RIMS4: variants seen among roughly 807,000 people sequenced by gnomAD.
The protein encoded by RIMS4 is regulating synaptic membrane exocytosis protein 4.
In RIMS4, 9 loss-of-function variants were observed where a neutral mutation model predicts 29.0. The ratio of observed to expected loss-of-function variants is 0.31; its 90% CI spans 0.19 to 0.54. The LOEUF (loss-of-function observed/expected upper bound fraction) is 0.54. Ranked by LOEUF, RIMS4 falls within the 20% of genes least tolerant of loss-of-function variation. The pLI is 0.94. For missense variants in RIMS4, 193 were observed against 365.7 expected (o/e 0.53, Z 3.85); for synonymous variants, 130 against 152.9 (o/e 0.85, Z 1.10).
chr20:44,760,914 A>G (rs566937325), intron 2 of RIMS4, among the ~76,000 whole-genome samples: 1 of 152,246 alleles, frequency 6.6e-6, no homozygotes, highest in Non-Finnish European at 1.5e-5. Context: ...GTAGAGAATT[A>G]ATGTGGGCAG....
At chr20:44,772,316 C>T (rs957477953) in intron 1 of RIMS4, among the ~76,000 whole-genome samples, 3 of 152,184 alleles carry the variant, frequency 2.0e-5, no homozygotes, top group African/African-American at 7.2e-5. Context: ...CACCCAAATG[C>T]GTTAAACAAT....
In RIMS4 at chr20:44,753,838, A is replaced by C. The variant is rs2066045973; in HGVS notation, c.*2296T>G. 6.6e-6 allele frequency: 1 copy of C among 152,556 alleles called. No individual in the cohort carries two copies. The highest frequency in any genetic ancestry group is 2.4e-5 in the African/African-American group (1 of 41,396). 9.5% of individuals were successfully genotyped at this position (152,556 alleles called of 1,614,324 possible). A position where few individuals can be genotyped will look rare whatever the true frequency, so the allele number is the denominator to read the frequency against. ...CGGGATTTCACAGAACAAACAAGAA[A>C]ATCATTGAGGGGGCCCTCACTGACC... On this transcript the variant is annotated 3_prime_UTR_variant, in exon 6 of 6. Coordinates refer to ENST00000372851, the MANE Select transcript of RIMS4 (RefSeq NM_182970.4).
rs1428867885 is a variant in RIMS4 at position 44,756,470 on chromosome 20, A to T, written c.592-118T>A. The T allele has an allele frequency of 1.3e-6, 1 of 774,988 alleles. No individual in the cohort carries two copies. Among genetic ancestry groups the T allele is most frequent in the East Asian group, 2.7e-5 (1 of 36,930 alleles). The allele number at this position is 774,988 out of a possible 1,614,324, so 48.0% of individuals were successfully genotyped here. A position where few individuals can be genotyped will look rare whatever the true frequency, so the allele number is the denominator to read the frequency against. On this transcript the variant is annotated intron_variant, in intron 5 of 5. Transcript: ENST00000372851. The surrounding 1 kb of genome is among the most constrained non-coding windows in gnomAD (Gnocchi z 5.9). The stretch of plus-strand genomic sequence containing the variant: ...CAGTCCTGTGATTTCTACCTCCTTA[A>T]AACTGCAATTCCTCAACAGGCCTTT...
chr20:44,796,503 G>C (rs1037434080), intron 1 of RIMS4, among the ~76,000 whole-genome samples: 1 of 152,216 alleles, frequency 6.6e-6, no homozygotes, highest in Non-Finnish European at 1.5e-5. Flanking sequence ...CCATTGGTGG[G>C]ATGCAGATGG....
intron 2 of RIMS4, among the ~76,000 whole-genome samples, chr20:44,764,177 T>C (rs945102449): frequency 6.2e-5 from 7 of 112,588 alleles, no homozygotes; most frequent in African/African-American, 1.7e-4. Context: ...CATCCATCCA[T>C]CCATCCATCC....
chr20:44,773,129 T>G (rs1157427223), intron 1 of RIMS4, among the ~76,000 whole-genome samples: 1 of 152,074 alleles, frequency 6.6e-6, no homozygotes, highest in African/African-American at 2.4e-5. Context: ...TTAATGCAGG[T>G]CTGAGTGTGC....
At chr20:44,776,021 G>T (rs931917982) in intron 1 of RIMS4, among the ~76,000 whole-genome samples, 2 of 150,782 alleles carry the variant, frequency 1.3e-5, no homozygotes, top group Non-Finnish European at 2.9e-5. Context: ...GCTCATGCCC[G>T]TAATCCCAGC....
At chr20:44,810,048 A>C in intron 1 of RIMS4, 127 bp downstream of exon 1, 3 of 394,060 alleles carry the variant, frequency 7.6e-6, no homozygotes, top group East Asian at 6.3e-5. Flanking sequence ...TGGGTGCGGA[A>C]GGAGACCCTG....
intron 1 of RIMS4, among the ~76,000 whole-genome samples, chr20:44,798,370 G>T (rs1381365898): frequency 6.6e-6 from 1 of 152,234 alleles, no homozygotes; most frequent in Non-Finnish European, 1.5e-5. Context: ...CAAGTCAGAA[G>T]TCCATCCAGA....
chr20:44,797,586 A>T (rs565177491), intron 1 of RIMS4, among the ~76,000 whole-genome samples: 2 of 152,242 alleles, frequency 1.3e-5, no homozygotes, highest in Non-Finnish European at 2.9e-5. Flanking sequence ...GACTGCTTCC[A>T]CTAATAAAAT....
At chr20:44,782,106 C>T (rs749875117) in intron 1 of RIMS4, among the ~76,000 whole-genome samples, 1 of 152,174 alleles carries the variant, frequency 6.6e-6, no homozygotes, top group African/African-American at 2.4e-5. Flanking sequence ...CTGAACTAAT[C>T]TGAGTCTAAG....
intron 2 of RIMS4, among the ~76,000 whole-genome samples, chr20:44,764,748 C>G (rs1363644908): frequency 6.6e-6 from 1 of 152,180 alleles, no homozygotes; most frequent in Non-Finnish European, 1.5e-5. Context: ...TGCACCTGAA[C>G]AAATGCAAAA....
chr20:44,767,145 C>T lies in RIMS4; in HGVS notation c.236+4130G>A, dbSNP rs531117480. Among the ~76,000 whole-genome samples, 11 of 152,342 alleles carry T rather than the reference C, an allele frequency of 7.2e-5. No homozygotes were observed. In the South Asian group the frequency reaches 2.3e-3, roughly 32 times the overall value. On this transcript the variant is annotated intron_variant, in intron 2 of 5. Coordinates refer to ENST00000372851, the MANE Select transcript of RIMS4 (RefSeq NM_182970.4). The stretch of plus-strand genomic sequence containing the variant: ...CTGCTATTATTTTCTAGAATCACCT[C>T]CCAGGTGAATCACTTGCACTTGAAC...
intron 2 of RIMS4, among the ~76,000 whole-genome samples, chr20:44,766,693 G>A (rs1436313651): frequency 6.6e-6 from 1 of 152,224 alleles, no homozygotes; most frequent in East Asian, 1.9e-4. Flanking sequence ...CTGTCTGCAA[G>A]AACCCCAGAT....
chr20:44,757,898 C>T, intron 3 of RIMS4, 127 bp from the exon 4 acceptor site: 1 of 975,468 alleles, frequency 1.0e-6, no homozygotes, highest in Non-Finnish European at 1.6e-6. Context: ...AGACCAGAAC[C>T]AACTCCCACC....
chr20:44,784,583 A>G (rs770091508), intron 1 of RIMS4, among the ~76,000 whole-genome samples: 5 of 152,236 alleles, frequency 3.3e-5, no homozygotes, highest in Non-Finnish European at 7.3e-5. Flanking sequence ...GTCTCTCTCC[A>G]GACTGTTCTG....
At chr20:44,771,229 C>A (rs775027772) in intron 2 of RIMS4, 46 bp downstream of exon 2, 1 of 1,580,130 alleles carries the variant, frequency 6.3e-7, no homozygotes, top group Non-Finnish European at 8.7e-7. Context: ...CGTGCCCCAC[C>A]ACAAAAGACT....
Position 44,810,492 on chromosome 20 carries a change from T to TGGCGGCGGCGGCGGCGGCGGC in RIMS4, c.-242_-222dup, listed in dbSNP as rs1186589933. ...CGGAGCCCGAGGCGCGCTGTGCTGCTGGCGGCGGCGGCGGCGGCGGCGGTG... is the reference window on the plus strand; with the variant it reads ...CGGAGCCCGAGGCGCGCTGTGCTGCTGGCGGCGGCGGCGGCGGCGGCGGCGGCGGCGGCGGCGGCGGCGGTG... On this transcript the variant is annotated 5_prime_UTR_variant, in exon 1 of 6. Transcript: ENST00000372851. 5.3e-4 allele frequency among the ~76,000 whole-genome samples: 73 copies of TGGCGGCGGCGGCGGCGGCGGC among 138,752 alleles called. 1 individual carries two copies. Among genetic ancestry groups the TGGCGGCGGCGGCGGCGGCGGC allele is most frequent in the Middle Eastern group, 3.9e-3 (1 of 256 alleles). 91.0% of individuals were successfully genotyped at this position (138,752 alleles called of 152,430 possible).
intron 1 of RIMS4, among the ~76,000 whole-genome samples, chr20:44,787,522 G>A (rs2066214136): frequency 6.6e-6 from 1 of 152,038 alleles, no homozygotes; most frequent in African/African-American, 2.4e-5. Context: ...GCTGGGACGG[G>A]AACACCGGCC....
Sources: allele counts gnomAD v4.1 joint callset (sites outside exome capture counted in the v4.1 genomes callset), GRCh38; gene constraint gnomAD v4.1.1; non-coding constraint Gnocchi (gnomAD v3.1); transcripts MANE v1.5; gene names NCBI Gene and HGNC (gene_info 2026-07-23, HGNC 2026-07-21).